The following PFKFB4 variants were observed in gnomAD, a reference collection of about 807,000 sequenced individuals.
The protein encoded by PFKFB4 is 6-phosphofructo-2-kinase/fructose-2,6-bisphosphatase 4.
Under a neutral mutation model 62.8 loss-of-function variants are expected in PFKFB4, and 42 were observed. The observed-to-expected ratio is 0.67, with a 90% CI of 0.52 to 0.86. The LOEUF is 0.86. Among genes scored for constraint, PFKFB4 ranks in the 40% least tolerant of loss-of-function variants. The pLI, the probability that PFKFB4 is intolerant of heterozygous loss-of-function variation, is 0.00. For synonymous variants in PFKFB4, 204 were observed against 240.7 expected (o/e 0.85, Z 1.41); for missense variants, 475 against 627.2 (o/e 0.76, Z 2.59).
At chr3:48,549,635 C>G (rs973518740) in intron 3 of PFKFB4, among the ~76,000 whole-genome samples, 2 of 152,122 alleles carry the variant, frequency 1.3e-5, no homozygotes, top group African/African-American at 4.8e-5. Context: ...TCCCCAAACC[C>G]ATCACCTCCC....
At chr3:48,536,220 A>G in intron 8 of PFKFB4, 36 bp downstream of exon 8, 7 of 1,579,740 alleles carry the variant, frequency 4.4e-6, no homozygotes, top group Non-Finnish European at 6.1e-6. Context: ...GTACAAATGC[A>G]GGCCCGTGTG....
intron 7 of PFKFB4, among the ~76,000 whole-genome samples, 154 bp downstream of exon 7, chr3:48,538,344 A>G (rs751416033): frequency 3.3e-5 from 5 of 152,162 alleles, no homozygotes; most frequent in Non-Finnish European, 4.4e-5. Context: ...CCTCTGACCA[A>G]ACATTTCTGC....
upstream of PFKFB4, chr3:48,562,940 C>T: frequency 1.2e-6 from 2 of 1,604,948 alleles, no homozygotes; most frequent in Non-Finnish European, 1.7e-6. The surrounding 1 kb of genome is among the most constrained non-coding windows in gnomAD (Gnocchi z 4.3). Context: ...GGTGGGGCTG[C>T]AGTGGCTCTG....
intron 1 of PFKFB4, among the ~76,000 whole-genome samples, chr3:48,555,735 AAAAAAAG>A (rs996014217): frequency 6.6e-5 from 10 of 152,048 alleles, no homozygotes; most frequent in African/African-American, 2.4e-4. Context: ...GTCTCTACAA[AAAAAAAG>A]AAAAAAGAAA....
At chr3:48,544,663 C>A (rs1018020288) in intron 3 of PFKFB4, among the ~76,000 whole-genome samples, 5 of 151,660 alleles carry the variant, frequency 3.3e-5, no homozygotes, top group African/African-American at 1.2e-4. Flanking sequence ...CCCAGGCTTA[C>A]ACAATCTTTT....
At chr3:48,523,419 A>C in intron 12 of PFKFB4, 118 bp downstream of exon 12, 1 of 932,218 alleles carries the variant, frequency 1.1e-6, no homozygotes, top group South Asian at 1.4e-5. Flanking sequence ...GTGGTGGGGT[A>C]GTAGGTGGAG....
chr3:48,519,747 TCAC>T lies in PFKFB4; in HGVS notation c.1407_1409del (p.Ter470delextTer70), dbSNP rs2042032316. On this transcript the variant is annotated stop_lost and inframe_deletion, in exon 14 of 14. Coordinates refer to ENST00000232375, the MANE Select transcript of PFKFB4 (RefSeq NM_004567.4). ...TAGTGGTCACAGTGGATGAACATGG[TCAC>T]TGGTGAGCAGGCACCGTGACAAGGG... 5.0e-6 allele frequency: 8 copies of T among 1,612,038 alleles called. No homozygotes were observed. The highest frequency in any genetic ancestry group is 6.8e-6 in the Non-Finnish European group (8 of 1,178,692).
intron 12 of PFKFB4, among the ~76,000 whole-genome samples, chr3:48,523,057 A>C (rs2042147527): frequency 6.9e-6 from 1 of 145,734 alleles, no homozygotes. Context: ...CACCGCACCC[A>C]GCCCCAGAAC....
chr3:48,562,900 CG>C, upstream of PFKFB4: 1 of 1,604,604 alleles, frequency 6.2e-7, no homozygotes, highest in Non-Finnish European at 8.5e-7. The surrounding 1 kb of genome is among the most constrained non-coding windows in gnomAD (Gnocchi z 4.3). Flanking sequence ...GGACATCCAG[CG>C]ATAGGACAAT....
chr3:48,536,543 T>C, intron 7 of PFKFB4, 80 bp from the exon 8 acceptor site: 3 of 1,121,364 alleles, frequency 2.7e-6, no homozygotes, highest in Non-Finnish European at 4.0e-6. Context: ...CCACGGAATC[T>C]AGCTGCGAGG....
At position 48,535,845 on chromosome 3, in the gene PFKFB4, C is replaced by T. The variant is rs76101982; in HGVS notation, c.841-187G>A. Among the ~76,000 whole-genome samples the T allele has an allele frequency of 3.9e-5, 6 of 152,196 alleles. 1 individual carries two copies. The East Asian group carries it at 5.8e-4, about 15-fold the overall frequency. On this transcript the variant is annotated intron_variant, in intron 8 of 13. Coordinates refer to ENST00000232375, the MANE Select transcript of PFKFB4 (RefSeq NM_004567.4). ...AGAACACAAGTGCTGTTCCTGTGCA[C>T]CCTCCCAGACCCTGAGCACAGCAGC...
chr3:48,556,583 T>G lies in PFKFB4; in HGVS notation c.97+98A>C. ...CCTCACCTGTCCCCGGTTCCCCATC[T>G]GTCTCCCGCCCCTTCTCCATGCGAG... On this transcript the variant is annotated intron_variant, in intron 1 of 13. Coordinates refer to ENST00000232375, the MANE Select transcript of PFKFB4 (RefSeq NM_004567.4). The surrounding 1 kb of genome is among the most constrained non-coding windows in gnomAD (Gnocchi z 5.7). 2.2e-6 allele frequency: 3 copies of G among 1,373,170 alleles called. No homozygotes were observed. The highest frequency in any genetic ancestry group is 2.9e-6 in the Non-Finnish European group (3 of 1,017,304). The allele number at this position is 1,373,170 out of a possible 1,614,324, so 85.1% of individuals were successfully genotyped here.
Position 48,517,734 on chromosome 3 carries a change from T to C in PFKFB4, c.*2013A>G, listed in dbSNP as rs1401705798. Reference sequence around the variant, plus strand: ...AAAGAATGCTGGACACAGTGTTGCATGTGGCTGAGATTCAATACCATCCAT... The same window carrying C: ...AAAGAATGCTGGACACAGTGTTGCACGTGGCTGAGATTCAATACCATCCAT... On this transcript the variant is annotated 3_prime_UTR_variant, in exon 14 of 14. Transcript: ENST00000232375. 2 of 152,710 alleles carry C rather than the reference T, an allele frequency of 1.3e-5. No individual in the cohort carries two copies. Among genetic ancestry groups the C allele is most frequent in the East Asian group, 1.9e-4 (1 of 5,202 alleles). The allele number at this position is 152,710 out of a possible 1,614,324, so 9.5% of individuals were successfully genotyped here.
chr3:48,530,551 G>A (rs994334470), intron 9 of PFKFB4, among the ~76,000 whole-genome samples: 1 of 152,096 alleles, frequency 6.6e-6, no homozygotes, highest in Non-Finnish European at 1.5e-5. Context: ...AGAAAAATTG[G>A]AATAAAGAGA....
chr3:48,525,265 G>A (rs994685700), intron 10 of PFKFB4, among the ~76,000 whole-genome samples: 3 of 152,150 alleles, frequency 2.0e-5, no homozygotes, highest in South Asian at 4.1e-4. Flanking sequence ...CTGCCCTTCC[G>A]AATTCTCCAC....
Position 48,518,777 on chromosome 3 carries a change from A to C in PFKFB4, c.*970T>G, listed in dbSNP as rs968632010. 1 of 152,222 alleles carries C rather than the reference A, an allele frequency of 6.6e-6. No homozygotes were observed. Among genetic ancestry groups the C allele is most frequent in the Non-Finnish European group, 1.5e-5 (1 of 68,038 alleles). The allele number at this position is 152,222 out of a possible 1,614,324, so 9.4% of individuals were successfully genotyped here. A position where few individuals can be genotyped will look rare whatever the true frequency, so the allele number is the denominator to read the frequency against. On this transcript the variant is annotated 3_prime_UTR_variant, in exon 14 of 14. Transcript: ENST00000232375. ...AAGTGTTTCTGAATTATTTATGGCA[A>C]ATGCATGTTTCTGCCACCAGTGTAC... is the stretch of plus-strand genomic sequence containing the variant.
At chr3:48,520,553 T>A (rs907959216) in intron 13 of PFKFB4, among the ~76,000 whole-genome samples, 3 of 152,130 alleles carry the variant, frequency 2.0e-5, no homozygotes, top group African/African-American at 7.2e-5. Context: ...CATGCCCAGA[T>A]CTTCAGGGAG....
chr3:48,535,948 C>T (rs1340917687), intron 8 of PFKFB4, among the ~76,000 whole-genome samples: 1 of 152,216 alleles, frequency 6.6e-6, no homozygotes, highest in East Asian at 1.9e-4. Flanking sequence ...ACTGAGGTCT[C>T]CCCTGGACTG....
chr3:48,520,664 C>T (rs979375272), intron 13 of PFKFB4, among the ~76,000 whole-genome samples: 27 of 152,198 alleles, frequency 1.8e-4, no homozygotes, highest in African/African-American at 6.5e-4. Context: ...CTTCCTGAGG[C>T]GCCCCTTTTC....
Sources: allele counts gnomAD v4.1 joint callset (sites outside exome capture counted in the v4.1 genomes callset), GRCh38; gene constraint gnomAD v4.1.1; non-coding constraint Gnocchi (gnomAD v3.1); transcripts MANE v1.5; gene names NCBI Gene and HGNC (gene_info 2026-07-23, HGNC 2026-07-21).